Variants in KLHDC4 observed in about 807,000 individuals in gnomAD.
KLHDC4 encodes the protein kelch domain containing 4.
In KLHDC4, 90 loss-of-function variants were observed where a neutral mutation model predicts 62.4. The ratio of observed to expected loss-of-function variants is 1.44; its 90% CI spans 1.22 to 1.72. KLHDC4 has a LOEUF of 1.72. KLHDC4 is among the 40% of genes most tolerant of loss of function. The pLI is 0.00. For synonymous variants in KLHDC4, 386 were observed against 284.4 expected (o/e 1.36, Z -3.59); for missense variants, 1,025 against 699.7 (o/e 1.47, Z -5.25).
chr16:87,735,040 C>T (rs947342501), intron 5 of KLHDC4, among the ~76,000 whole-genome samples: 17 of 138,250 alleles, frequency 1.2e-4, no homozygotes, highest in African/African-American at 4.3e-4. Context: ...GCCCCCTCCC[C>T]CCCAGACGAA....
intron 5 of KLHDC4, among the ~76,000 whole-genome samples, chr16:87,747,877 G>C (rs928195844): frequency 6.6e-6 from 1 of 152,224 alleles, no homozygotes; most frequent in African/African-American, 2.4e-5. Context: ...CCAGGATGTG[G>C]AGAAGGCCTG....
At chr16:87,703,425 G>C (rs904969455), downstream of KLHDC4, 1 of 152,576 alleles carries the variant, frequency 6.6e-6, no homozygotes, top group Non-Finnish European at 1.5e-5. Flanking sequence ...CACAGGGTTT[G>C]TCACAGCCTG....
chr16:87,735,740 A>G lies in KLHDC4; in HGVS notation c.507-5096T>C, dbSNP rs969986785. 3.3e-5 allele frequency among the ~76,000 whole-genome samples: 5 copies of G among 152,344 alleles called. No individual in the cohort carries two copies. In the East Asian group the frequency reaches 9.6e-4, roughly 29 times the overall value. On this transcript the variant is annotated intron_variant, in intron 5 of 11. Coordinates refer to ENST00000270583, the MANE Select transcript of KLHDC4 (RefSeq NM_017566.4). ...CTAAATACGAAGTCTTAAAAAATCC[A>G]CATGTCCTCCTCAGCCAGAGGCCTA...
At chr16:87,720,209 T>G (rs1245502863) in intron 7 of KLHDC4, among the ~76,000 whole-genome samples, 1 of 152,158 alleles carries the variant, frequency 6.6e-6, no homozygotes, top group Non-Finnish European at 1.5e-5. Flanking sequence ...GGTAGGTAGA[T>G]AAAGGCCGGG....
chr16:87,702,433 C>G (rs1294218949), exon 1 of KLHDC4: 1 of 368,458 alleles, frequency 2.7e-6, no homozygotes, highest in East Asian at 7.3e-5. Context: ...CCCCGGCTTT[C>G]TCGCTTGGGC....
intron 4 of KLHDC4, 53 bp downstream of exon 4, chr16:87,755,141 C>T: frequency 1.6e-6 from 2 of 1,256,298 alleles, no homozygotes; most frequent in Admixed American, 3.4e-5. Flanking sequence ...GTGTGTCTAC[C>T]AGACTCCCAC....
intron 6 of KLHDC4, among the ~76,000 whole-genome samples, chr16:87,727,362 C>T (rs2039552479): frequency 6.6e-6 from 1 of 152,202 alleles, no homozygotes; most frequent in African/African-American, 2.4e-5. Flanking sequence ...ATTAGGTGTG[C>T]AACCGTAAGG....
At position 87,755,229 on chromosome 16, in the gene KLHDC4, T is replaced by A; in HGVS notation, c.334A>T (p.Ile112Phe). The A allele has an allele frequency of 6.2e-7, 1 of 1,612,080 alleles. No individual in the cohort carries two copies. Among genetic ancestry groups the A allele is most frequent in the Non-Finnish European group, 8.5e-7 (1 of 1,178,210 alleles). ...TRKDTWTKVD[I>F]PSPPPRRCAH... ...CAGCGCCTCGGAGGTGGACTGGGGA[T>A]GTCAACTTTGGTCCAGGTGTCCTTT... is the stretch of plus-strand genomic sequence containing the variant. Residue 112 changes from isoleucine (I) to phenylalanine (F), a missense_variant, in exon 4 of 12, where the codon ATC becomes TTC. Transcript: ENST00000270583.
chr16:87,713,495 G>A (rs1412439348), intron 8 of KLHDC4, among the ~76,000 whole-genome samples: 1 of 152,172 alleles, frequency 6.6e-6, no homozygotes, highest in Non-Finnish European at 1.5e-5. Flanking sequence ...ACTGCGCCCA[G>A]CCAGTAACAA....
intron 5 of KLHDC4, chr16:87,739,844 T>C (rs2041980192): frequency 6.6e-6 from 1 of 152,220 alleles, no homozygotes; most frequent in African/African-American, 2.4e-5. Context: ...CGGTGGGGTG[T>C]CTGCTAAAAA....
chr16:87,735,592 C>G (rs2041176857), intron 5 of KLHDC4, among the ~76,000 whole-genome samples: 2 of 152,248 alleles, frequency 1.3e-5, no homozygotes, highest in South Asian at 4.1e-4. Flanking sequence ...TCACCGTTTT[C>G]TACCTAAAAG....
chr16:87,765,952 G>A lies in KLHDC4; in HGVS notation c.-62C>T, dbSNP rs1039587820. The A allele has an allele frequency of 3.4e-6, 5 of 1,476,794 alleles. No individual in the cohort carries two copies. The highest frequency in any genetic ancestry group is 1.2e-5 in the South Asian group (1 of 82,376). 91.5% of individuals were successfully genotyped at this position (1,476,794 alleles called of 1,614,324 possible). A position where few individuals can be genotyped will look rare whatever the true frequency, so the allele number is the denominator to read the frequency against. On this transcript the variant is annotated 5_prime_UTR_variant, in exon 1 of 12. Coordinates refer to ENST00000270583, the MANE Select transcript of KLHDC4 (RefSeq NM_017566.4). ...AGAAAACGGCCCGCGCTCTCCGCTC[G>A]GAAACAGGTGCTCGTGGGGCGGAGC...
chr16:87,701,980 G>A (rs938186994), exon 1 of KLHDC4: 21 of 456,128 alleles, frequency 4.6e-5, no homozygotes, highest in Non-Finnish European at 8.4e-5. Context: ...ATCTTCCTGG[G>A]CCTGCAACAA....
chr16:87,729,738 G>A (rs1258086952), intron 6 of KLHDC4, among the ~76,000 whole-genome samples: 1 of 152,312 alleles, frequency 6.6e-6, no homozygotes. Flanking sequence ...TGCTATCACT[G>A]CTCTCCCGGA....
exon 1 of KLHDC4, chr16:87,701,874 G>A (rs567767656): frequency 1.5e-5 from 7 of 456,472 alleles, no homozygotes; most frequent in Non-Finnish European, 2.6e-5. Context: ...AAGCCTCTTC[G>A]AGCCCAGGGA....
intron 1 of KLHDC4, 94 bp from the exon 2 acceptor site, chr16:87,762,134 A>G: frequency 1.3e-6 from 2 of 1,561,958 alleles, no homozygotes; most frequent in Non-Finnish European, 1.7e-6. Flanking sequence ...GTGTGATTCG[A>G]CTGGGCTCAG....
chr16:87,730,668 C>CAA, intron 5 of KLHDC4, 24 bp from the exon 6 acceptor site: 1 of 1,575,570 alleles, frequency 6.3e-7, no homozygotes, highest in Non-Finnish European at 8.7e-7. Flanking sequence ...AACAAAAAGA[C>CAA]ACTATCAACC....
intron 7 of KLHDC4, among the ~76,000 whole-genome samples, chr16:87,723,385 C>T (rs1006057790): frequency 6.6e-6 from 1 of 152,264 alleles, no homozygotes; most frequent in East Asian, 1.9e-4. Context: ...CACGTGGCTG[C>T]AGACAGCAGC....
At chr16:87,754,494 A>C (rs2044538657) in intron 4 of KLHDC4, among the ~76,000 whole-genome samples, 1 of 152,214 alleles carries the variant, frequency 6.6e-6, no homozygotes, top group Non-Finnish European at 1.5e-5. Context: ...GGTGAGTTCT[A>C]AGCACACAAT....
Sources: allele counts gnomAD v4.1 joint callset (sites outside exome capture counted in the v4.1 genomes callset), GRCh38; gene constraint gnomAD v4.1.1; transcripts MANE v1.5; gene names NCBI Gene and HGNC (gene_info 2026-07-23, HGNC 2026-07-21).